The following ZNF219 variants were observed in gnomAD, a reference collection of about 807,000 sequenced individuals.
ZNF219 encodes the protein zinc finger protein 219.
Under a neutral mutation model 54.4 loss-of-function variants are expected in ZNF219, and 17 were observed. The ratio of observed to expected loss-of-function variants is 0.31; its 90% CI spans 0.21 to 0.47. ZNF219 has a LOEUF of 0.47. Ranked by LOEUF, ZNF219 falls within the 20% of genes least tolerant of loss-of-function variation. The pLI is 1.00. For synonymous variants in ZNF219, 518 were observed against 476.4 expected, an observed-to-expected ratio of 1.09 and a Z score of -1.14; for missense variants, 1,014 against 1,062.3, an observed-to-expected ratio of 0.95 and a Z score of 0.63.
chr14:21,091,731 C>T, intron 3 of ZNF219, 134 bp downstream of exon 3: 12 of 1,420,046 alleles, frequency 8.5e-6, no homozygotes, highest in Non-Finnish European at 1.1e-5. Flanking sequence ...TCCAGGAAAA[C>T]AAAACAAAAC....
intron 1 of ZNF219, among the ~76,000 whole-genome samples, chr14:21,096,398 T>C (rs1268949004): frequency 6.6e-6 from 1 of 152,178 alleles, no homozygotes; most frequent in East Asian, 1.9e-4. Flanking sequence ...ATCTGAATCA[T>C]CTCCATATCA....
In ZNF219 at chr14:21,091,500, C is replaced by T. The variant is rs769260237; in HGVS notation, c.1475G>A (p.Gly492Asp). ...ACAATCCTTGCCGGTGGCGCCCCGG[C>T]CCCCTTCAGGCCGGGTCCCTCCAAC... ...LLVGGTRPEG[G>D]RGATGKDCPF... is the part of the protein sequence containing the mutation. The change falls in exon 4 of 5, where the codon GGC becomes GAC. Residue 492 changes from glycine to aspartate, a missense_variant. Physicochemically the swap from Gly to Asp is moderately conservative, Grantham distance 94 (BLOSUM62 -1). Around this residue, in one of 5 missense-constraint regions of ZNF219, gnomAD observed 38 missense variants for 67.3 expected, o/e 0.56. Coordinates refer to ENST00000360947, the MANE Select transcript of ZNF219 (RefSeq NM_016423.3). The T allele has an allele frequency of 3.1e-6, 5 of 1,609,616 alleles. No individual in the cohort carries two copies. Among genetic ancestry groups the T allele is most frequent in the South Asian group, 2.2e-5 (2 of 90,994 alleles).
At position 21,092,839 on chromosome 14, in the gene ZNF219, G is replaced by A. The variant is rs1349319317; in HGVS notation, c.458C>T (p.Ala153Val). ...MQATPATEGL[A>V]RPQAPSSSAF... ...GGACGATGAAGGAGCCTGGGGCCGC[G>A]CCAGACCCTCAGTGGCAGGGGTGGC... Residue 153 changes from alanine (A) to valine (V), a missense_variant, in exon 3 of 5, where the codon GCG becomes GTG. Around this residue, in one of 5 missense-constraint regions of ZNF219, gnomAD observed 395 missense variants for 415.1 expected, o/e 0.95. Coordinates refer to ENST00000360947, the MANE Select transcript of ZNF219 (RefSeq NM_016423.3). The A allele has an allele frequency of 1.9e-6, 3 of 1,566,344 alleles. No individual in the cohort carries two copies. The Admixed American group carries it at 5.6e-5, about 29-fold the overall frequency.
intron 1 of ZNF219, among the ~76,000 whole-genome samples, chr14:21,098,047 C>T (rs1889381740): frequency 6.6e-6 from 1 of 150,746 alleles, no homozygotes; most frequent in Admixed American, 6.6e-5. Flanking sequence ...GTCTGCTCCC[C>T]CAGCTCTTCC....
chr14:21,101,335 A>C, upstream of ZNF219: 1 of 1,551,270 alleles, frequency 6.4e-7, no homozygotes, highest in South Asian at 1.2e-5. Context: ...TCTTGTGGGC[A>C]AAGGAGCCAT....
chr14:21,093,785 T>C, intron 1 of ZNF219, 111 bp from the exon 2 acceptor site: 1 of 1,011,900 alleles, frequency 9.9e-7, no homozygotes, highest in Non-Finnish European at 1.5e-6. Context: ...CAATCCATTC[T>C]CCCTACTTGC....
At chr14:21,097,880 G>GGC (rs1463133246) in intron 1 of ZNF219, among the ~76,000 whole-genome samples, 1 of 131,774 alleles carries the variant, frequency 7.6e-6, no homozygotes, top group Non-Finnish European at 1.6e-5. Context: ...TCCCCCACCA[G>GGC]CCCTACCTGG....
chr14:21,098,886 C>G, upstream of ZNF219: 1 of 1,279,158 alleles, frequency 7.8e-7, no homozygotes, highest in Non-Finnish European at 1.0e-6. Context: ...GGGGTTTTAT[C>G]TCAAAGCCTC....
At chr14:21,094,611 A>G (rs1889177452) in intron 1 of ZNF219, 1 of 324,000 alleles carries the variant, frequency 3.1e-6, no homozygotes, top group African/African-American at 2.2e-5. Flanking sequence ...GACTCAGCAC[A>G]TGCTCTGAGC....
In ZNF219 at chr14:21,093,049, TG is replaced by T; in HGVS notation, c.247del (p.Gln83ArgfsTer127). The T allele has an allele frequency of 6.3e-7, 1 of 1,599,700 alleles. No homozygotes were observed. Among genetic ancestry groups the T allele is most frequent in the Non-Finnish European group, 8.5e-7 (1 of 1,175,200 alleles). ...GCCGCAGTGAGGGCACTGGAAGGCC[TG>T]GGCTCCTGGGTGCGCCCGCAGGTGC... is the stretch of plus-strand genomic sequence containing the variant. ...ALHLRAHPGA[Q>X]AFQCPHCGHR... is the part of the protein sequence containing the mutation. On this transcript the variant is annotated frameshift_variant, in exon 3 of 5. Coordinates refer to ENST00000360947, the MANE Select transcript of ZNF219 (RefSeq NM_016423.3). LOFTEE classifies it high-confidence loss of function.
Position 21,093,054 on chromosome 14 carries a change from T to G in ZNF219, c.243A>C (p.Gly81=), listed in dbSNP as rs772806289. Residue 81 remains glycine, a synonymous_variant, in exon 3 of 5, where the codon GGA becomes GGC. Coordinates refer to ENST00000360947, the MANE Select transcript of ZNF219 (RefSeq NM_016423.3). ...AGTGAGGGCACTGGAAGGCCTGGGC[T>G]CCTGGGTGCGCCCGCAGGTGCAAAG... ...ILALHLRAHP[G]AQAFQCPHCG... The G allele has an allele frequency of 6.2e-7, 1 of 1,600,448 alleles. No individual in the cohort carries two copies. Among genetic ancestry groups the G allele is most frequent in the Admixed American group, 1.7e-5 (1 of 58,804 alleles).
chr14:21,091,865 C>T lies in ZNF219; in HGVS notation c.1432G>A (p.Glu478Lys). The change falls in exon 3 of 5, where the codon GAA becomes AAA. Residue 478 changes from glutamate (E) to lysine (K), a missense_variant and splice_region_variant. Physicochemically the swap from Glu to Lys is moderately conservative, Grantham distance 56 (BLOSUM62 1). This residue lies in a region of ZNF219 where 272 missense variants were observed against 248.9 expected (regional missense o/e 1.09). Coordinates refer to ENST00000360947, the MANE Select transcript of ZNF219 (RefSeq NM_016423.3). Reference sequence around the variant, plus strand: ...CGGAGAGCGGAGGGTACCTACATACCCTGCGTGGCGGTCGATCTTGCCTGG... The same window carrying T: ...CGGAGAGCGGAGGGTACCTACATACTCTGCGTGGCGGTCGATCTTGCCTGG... ...GAQARSTATQ[E>K]ENGLLVGGTR... 1 of 1,540,148 alleles carries T rather than the reference C, an allele frequency of 6.5e-7. No homozygotes were observed. The highest frequency in any genetic ancestry group is 8.7e-7 in the Non-Finnish European group (1 of 1,149,716).
chr14:21,092,070 C>A lies in ZNF219; in HGVS notation c.1227G>T (p.Pro409=). ...CCCGGGCCGGGAGAGCAGAGGACAG[C>A]GGGCGGAAGCCTCCGAAGCTGCGGC... ...GPGRSFGGFR[P]LSSALPARAR... is the part of the protein sequence containing the mutation. Residue 409 remains proline, a synonymous_variant, in exon 3 of 5, where the codon CCG becomes CCT. Coordinates refer to ENST00000360947, the MANE Select transcript of ZNF219 (RefSeq NM_016423.3). The A allele has an allele frequency of 1.3e-6, 2 of 1,536,604 alleles. No individual in the cohort carries two copies. Among genetic ancestry groups the A allele is most frequent in the South Asian group, 1.2e-5 (1 of 82,888 alleles).
In ZNF219 at chr14:21,092,577, G is replaced by A. The variant is rs1480498237; in HGVS notation, c.720C>T (p.Pro240=). ...PQPQPPPQPE[P]RSVPQPEPEP... Reference sequence around the variant, plus strand: ...CCGGCTCCGGCTGGGGGACTGATCTGGGTTCGGGCTGGGGTGGAGGCTGAG... The same window carrying A: ...CCGGCTCCGGCTGGGGGACTGATCTAGGTTCGGGCTGGGGTGGAGGCTGAG... Residue 240 remains proline (P), a synonymous_variant, in exon 3 of 5, where the codon CCC becomes CCT. Transcript: ENST00000360947. 3 of 1,546,358 alleles carry A rather than the reference G, an allele frequency of 1.9e-6. No homozygotes were observed. The highest frequency in any genetic ancestry group is 4.0e-5 in the Admixed American group (2 of 50,620).
At position 21,090,987 on chromosome 14, in the gene ZNF219, GC is replaced by G; in HGVS notation, c.1717del (p.Ala573ProfsTer175). 2 of 1,549,412 alleles carry G rather than the reference GC, an allele frequency of 1.3e-6. No individual in the cohort carries two copies. Among genetic ancestry groups the G allele is most frequent in the Non-Finnish European group, 1.7e-6 (2 of 1,154,220 alleles). ...EPPPPSQRGS[A>X]PQSGAKPSPQ... ...AGACGGCTTGGCTCCAGATTGCGGG[GC>G]CGAACCCCGCTGGGAAGGAGGCGGT... is the stretch of plus-strand genomic sequence containing the variant. On this transcript the variant is annotated frameshift_variant, in exon 5 of 5. Transcript: ENST00000360947. LOFTEE classifies it high-confidence loss of function. This position sits in a 1 kb window ranked among gnomAD's most constrained non-coding sequence, Gnocchi z 4.4.
intron 1 of ZNF219, 30 bp from the exon 2 acceptor site, chr14:21,093,704 G>C (rs1307094752): frequency 1.2e-6 from 2 of 1,602,348 alleles, no homozygotes; most frequent in African/African-American, 2.7e-5. Context: ...TGGAGGAAAA[G>C]ATGAGCCCTA....
At chr14:21,094,567 C>T (rs1054544000) in intron 1 of ZNF219, 4 of 238,408 alleles carry the variant, frequency 1.7e-5, no homozygotes, top group African/African-American at 5.2e-5. Context: ...GAGTGAGGGA[C>T]GGGGGGCGGG....
Position 21,092,118 on chromosome 14 carries a change from G to A in ZNF219, c.1179C>T (p.Gly393=). Residue 393 remains glycine, a synonymous_variant, in exon 3 of 5, where the codon GGC becomes GGT. Coordinates refer to ENST00000360947, the MANE Select transcript of ZNF219 (RefSeq NM_016423.3). ...SLRAGEGRPN[G]EGAEPGPGRS... Reference sequence around the variant, plus strand: ...GGCCGGGACCGGGCTCAGCACCCTCGCCGTTGGGCCGGCCCTCGCCAGCTC... The same window carrying A: ...GGCCGGGACCGGGCTCAGCACCCTCACCGTTGGGCCGGCCCTCGCCAGCTC... 6.6e-7 allele frequency: 1 copy of A among 1,520,950 alleles called. No homozygotes were observed. The highest frequency in any genetic ancestry group is 8.8e-7 in the Non-Finnish European group (1 of 1,136,416). 94.2% of individuals were successfully genotyped at this position (1,520,950 alleles called of 1,614,324 possible). A position where few individuals can be genotyped will look rare whatever the true frequency, so the allele number is the denominator to read the frequency against.
upstream of ZNF219, chr14:21,103,428 C>G (rs568302904): frequency 9.1e-7 from 1 of 1,100,538 alleles, no homozygotes; most frequent in Admixed American, 2.9e-5. Flanking sequence ...AGAATATATC[C>G]TCACCTCACC....
Sources: gnomAD v4.1 joint callset for allele counts (sites outside exome capture counted in the v4.1 genomes callset) on GRCh38, gnomAD v4.1.1 for gene constraint, gnomAD v4.1.1 regional missense constraint, Gnocchi (gnomAD v3.1) non-coding constraint, MANE v1.5 for transcripts, NCBI Gene and HGNC (gene_info 2026-07-23, HGNC 2026-07-21) for gene names.